The following PCDH9 variants were observed in gnomAD, a reference collection of about 807,000 sequenced individuals.
PCDH9 encodes protocadherin-9.
Under a neutral mutation model 70.6 loss-of-function variants are expected in PCDH9, and 24 were observed. The ratio of observed to expected loss-of-function variants is 0.34; its 90% CI spans 0.25 to 0.48. PCDH9 has a LOEUF of 0.48. PCDH9 is among the 20% of genes least tolerant of loss of function. The pLI is 0.99. For synonymous variants in PCDH9, 562 were observed against 558.5 expected (o/e 1.01, Z -0.09); for missense variants, 1,281 against 1,503.6 (o/e 0.85, Z 2.45).
intron 2 of PCDH9, among the ~76,000 whole-genome samples, chr13:67,188,456 G>T (rs993290635): frequency 6.6e-6 from 1 of 151,686 alleles, no homozygotes; most frequent in Admixed American, 6.6e-5. Flanking sequence ...TTTTTAATTG[G>T]CATGGGAGGT....
rs2080252095 is a variant in PCDH9 at position 66,796,957 on chromosome 13, TTC to T, written c.3138+106545_3138+106546del. ...GATGGGTGAGCACTGGAGAAAAAAA[TTC>T]TGTGCAATGATTATAAGAGGTGAGA... On this transcript the variant is annotated intron_variant, in intron 3 of 4. Transcript: ENST00000377865. Among the ~76,000 whole-genome samples, 10 of 152,054 alleles carry T rather than the reference TTC, an allele frequency of 6.6e-5. No individual in the cohort carries two copies. The South Asian group carries it at 2.1e-3, about 32-fold the overall frequency.
chr13:66,359,007 T>C (rs1434987833), intron 4 of PCDH9, among the ~76,000 whole-genome samples: 5 of 151,980 alleles, frequency 3.3e-5, no homozygotes, highest in African/African-American at 1.2e-4. Flanking sequence ...TTAATGGTGA[T>C]TTCATACTAC....
At chr13:66,324,450 G>A (rs551435330) in intron 4 of PCDH9, among the ~76,000 whole-genome samples, 1 of 152,094 alleles carries the variant, frequency 6.6e-6, no homozygotes, top group Non-Finnish European at 1.5e-5. Flanking sequence ...AAGTTACTTC[G>A]ACCTAGGATG....
intron 2 of PCDH9, among the ~76,000 whole-genome samples, chr13:67,033,733 T>C (rs751375956): frequency 1.3e-5 from 2 of 152,214 alleles, no homozygotes; most frequent in Non-Finnish European, 2.9e-5. Flanking sequence ...TATGAGCTTA[T>C]TAAGTGTCTT....
At chr13:66,848,006 T>C (rs2081243005) in intron 3 of PCDH9, among the ~76,000 whole-genome samples, 1 of 152,230 alleles carries the variant, frequency 6.6e-6, no homozygotes, top group Non-Finnish European at 1.5e-5. Flanking sequence ...TTTGTGTATG[T>C]GTGTTTATGT....
chr13:66,958,633 G>A (rs1349044175), intron 2 of PCDH9, among the ~76,000 whole-genome samples: 1 of 152,052 alleles, frequency 6.6e-6, no homozygotes, highest in African/African-American at 2.4e-5. Flanking sequence ...GTACAACTAG[G>A]ACAGTCTATT....
intron 2 of PCDH9, among the ~76,000 whole-genome samples, chr13:67,098,325 G>T (rs1041895350): frequency 6.6e-6 from 1 of 152,138 alleles, no homozygotes; most frequent in African/African-American, 2.4e-5. Context: ...TGGAAGGATT[G>T]CCCAGCTCTG....
intron 2 of PCDH9, among the ~76,000 whole-genome samples, chr13:67,014,334 A>G (rs932660794): frequency 1.3e-5 from 2 of 152,070 alleles, no homozygotes; most frequent in Admixed American, 6.6e-5. Flanking sequence ...ACAGTCTTAT[A>G]CTGGATGCTC....
intron 2 of PCDH9, among the ~76,000 whole-genome samples, chr13:67,006,033 T>C (rs745682111): frequency 6.6e-6 from 1 of 152,228 alleles, no homozygotes; most frequent in Middle Eastern, 3.2e-3. Flanking sequence ...GAGACCATCC[T>C]GGCTAACACG....
chr13:67,018,915 T>G (rs1477426226), intron 2 of PCDH9, among the ~76,000 whole-genome samples: 1 of 152,192 alleles, frequency 6.6e-6, no homozygotes, highest in Non-Finnish European at 1.5e-5. Context: ...TAAGACCGTT[T>G]CTGATCTCAT....
At chr13:66,936,299 T>C (rs2082915423) in intron 2 of PCDH9, among the ~76,000 whole-genome samples, 1 of 152,220 alleles carries the variant, frequency 6.6e-6, no homozygotes, top group South Asian at 2.1e-4. Context: ...GTTGTAACCA[T>C]TTTCTAATTT....
chr13:66,514,995 A>C (rs1472446256), intron 4 of PCDH9, among the ~76,000 whole-genome samples: 1 of 152,082 alleles, frequency 6.6e-6, no homozygotes, highest in African/African-American at 2.4e-5. Flanking sequence ...TCATCATCAT[A>C]AAACCATATT....
At chr13:66,959,904 T>G (rs1184163422) in intron 2 of PCDH9, among the ~76,000 whole-genome samples, 1 of 152,196 alleles carries the variant, frequency 6.6e-6, no homozygotes, top group African/African-American at 2.4e-5. Context: ...AGACTCTATG[T>G]CAAAGTTTTT....
At chr13:66,876,161 T>C (rs9571681) in intron 3 of PCDH9, among the ~76,000 whole-genome samples, 49,843 of 152,010 alleles carry the variant, frequency 0.33, 9,042 homozygotes, top group East Asian at 0.51. Context: ...TAAAATATTG[T>C]CATAACTTAC....
At chr13:66,410,034 C>CA (rs1347874649) in intron 4 of PCDH9, among the ~76,000 whole-genome samples, 1 of 152,130 alleles carries the variant, frequency 6.6e-6, no homozygotes, top group Non-Finnish European at 1.5e-5. Flanking sequence ...GGCTAAAACT[C>CA]ACTTCACACG....
chr13:67,151,367 G>A (rs1224405460), intron 2 of PCDH9, among the ~76,000 whole-genome samples: 1 of 152,110 alleles, frequency 6.6e-6, no homozygotes, highest in East Asian at 1.9e-4. Flanking sequence ...TGCAATGAAA[G>A]AACATGACCT....
At chr13:66,432,346 C>T (rs1957786973) in intron 4 of PCDH9, among the ~76,000 whole-genome samples, 1 of 151,896 alleles carries the variant, frequency 6.6e-6, no homozygotes. Context: ...AACATGACGT[C>T]TGAGCCTTGA....
intron 4 of PCDH9, among the ~76,000 whole-genome samples, chr13:66,539,909 C>T (rs1170165195): frequency 7.9e-6 from 1 of 127,080 alleles, no homozygotes; most frequent in Admixed American, 9.1e-5. Flanking sequence ...CTTGCTGTGT[C>T]ACCCAGGCTG....
At chr13:67,183,221 T>G (rs1446099389) in intron 2 of PCDH9, among the ~76,000 whole-genome samples, 1 of 152,116 alleles carries the variant, frequency 6.6e-6, no homozygotes, top group Non-Finnish European at 1.5e-5. Context: ...AGTAAGCAAC[T>G]GTCAGGAATC....
Sources: allele counts gnomAD v4.1 joint callset (sites outside exome capture counted in the v4.1 genomes callset), GRCh38; gene constraint gnomAD v4.1.1; transcripts MANE v1.5; gene names NCBI Gene and HGNC (gene_info 2026-07-23, HGNC 2026-07-21).